PRR11: variants seen among roughly 807,000 people sequenced by gnomAD.
PRR11 encodes proline-rich protein 11.
In PRR11, 30 loss-of-function variants were observed where a neutral mutation model predicts 45.6. That is an observed-to-expected ratio of 0.66 (90% CI 0.49 to 0.89). The LOEUF (loss-of-function observed/expected upper bound fraction) is 0.89, where lower values mean the gene tolerates loss of function less well. Ranked by LOEUF, PRR11 falls within the 40% of genes least tolerant of loss-of-function variation. The probability of loss-of-function intolerance (pLI) is 0.00; values close to 1 mark genes in which losing one functional copy is unlikely to be tolerated. For missense variants in PRR11, 373 were observed against 424.8 expected, an observed-to-expected ratio of 0.88 and a Z score of 1.07; for synonymous variants, 128 against 153.5, an observed-to-expected ratio of 0.83 and a Z score of 1.23.
At chr17:59,180,303 G>A (rs2046774857) in intron 2 of PRR11, among the ~76,000 whole-genome samples, 1 of 150,194 alleles carries the variant, frequency 6.7e-6, no homozygotes, top group Non-Finnish European at 1.5e-5. Flanking sequence ...GCTCATTTTT[G>A]TTCTTTTAGT....
chr17:59,161,450 A>G (rs539171416), intron 1 of PRR11, among the ~76,000 whole-genome samples: 60 of 150,990 alleles, frequency 4.0e-4, no homozygotes, highest in Admixed American at 3.2e-3. Flanking sequence ...AAAAAAAAAC[A>G]CACACACAAA....
chr17:59,158,401 A>G (rs959147208), intron 1 of PRR11, among the ~76,000 whole-genome samples: 1 of 152,264 alleles, frequency 6.6e-6, no homozygotes, highest in South Asian at 2.1e-4. Context: ...AGATCATTTC[A>G]TAACAAGGTT....
intron 9 of PRR11, among the ~76,000 whole-genome samples, chr17:59,199,931 G>A (rs1039528685): frequency 1.3e-5 from 2 of 152,152 alleles, no homozygotes; most frequent in Admixed American, 6.6e-5. Context: ...AATTGTGAAG[G>A]GCAGGAGCAA....
chr17:59,169,610 T>C, intron 1 of PRR11, 138 bp from the exon 2 acceptor site: 1 of 719,624 alleles, frequency 1.4e-6, no homozygotes, highest in East Asian at 2.8e-5. Flanking sequence ...ATGCTGGTAG[T>C]GACCTATTTC....
chr17:59,190,438 C>T (rs1202291337), intron 4 of PRR11, among the ~76,000 whole-genome samples: 2 of 151,716 alleles, frequency 1.3e-5, no homozygotes, highest in Non-Finnish European at 2.9e-5. Context: ...CGCCACTGCA[C>T]TCCAGCCCTC....
At position 59,193,154 on chromosome 17, in the gene PRR11, G is replaced by A. The variant is rs111678587; in HGVS notation, c.403-338G>A. 2.0e-4 allele frequency among the ~76,000 whole-genome samples: 30 copies of A among 152,170 alleles called. 1 individual carries two copies. The highest frequency in any genetic ancestry group is 5.2e-4 in the Admixed American group (8 of 15,274). On this transcript the variant is annotated intron_variant, in intron 4 of 9. Coordinates refer to ENST00000262293, the MANE Select transcript of PRR11 (RefSeq NM_018304.4). ...TCGAACTCCTGGGCTCAAGCAATTCGCTGGATTCAGCCTTCCAAAGTGCTG... is the reference window on the plus strand; with the variant it reads ...TCGAACTCCTGGGCTCAAGCAATTCACTGGATTCAGCCTTCCAAAGTGCTG...
chr17:59,169,412 A>G lies in PRR11; in HGVS notation c.-5-336A>G, dbSNP rs185459725. 5.3e-5 allele frequency among the ~76,000 whole-genome samples: 8 copies of G among 152,218 alleles called. No individual in the cohort carries two copies. In the East Asian group the frequency reaches 1.5e-3, roughly 29 times the overall value. On this transcript the variant is annotated intron_variant, in intron 1 of 9. Coordinates refer to ENST00000262293, the MANE Select transcript of PRR11 (RefSeq NM_018304.4). The stretch of plus-strand genomic sequence containing the variant: ...CACACCTGGCCAACATATTATTTTA[A>G]TAACTGACTATAACCCACCTACAGC...
At chr17:59,160,089 A>T (rs989089332) in intron 1 of PRR11, among the ~76,000 whole-genome samples, 1 of 152,178 alleles carries the variant, frequency 6.6e-6, no homozygotes, top group African/African-American at 2.4e-5. Flanking sequence ...GCAGCAAAAA[A>T]AAAAGAATCA....
At chr17:59,158,373 G>A (rs1000309334) in intron 1 of PRR11, among the ~76,000 whole-genome samples, 13 of 152,204 alleles carry the variant, frequency 8.5e-5, no homozygotes, top group African/African-American at 1.9e-4. Flanking sequence ...GGGGCAATCC[G>A]AATATGGGCT....
At chr17:59,177,838 AG>A (rs961437504) in intron 2 of PRR11, among the ~76,000 whole-genome samples, 1 of 152,172 alleles carries the variant, frequency 6.6e-6, no homozygotes, top group Non-Finnish European at 1.5e-5. Flanking sequence ...CAACATAGCA[AG>A]ACTGTTTGTA....
chr17:59,181,339 A>G (rs2046784681), intron 2 of PRR11, among the ~76,000 whole-genome samples: 1 of 151,632 alleles, frequency 6.6e-6, no homozygotes, highest in Non-Finnish European at 1.5e-5. Flanking sequence ...CTCCAGCCTA[A>G]TCCTCTATCA....
chr17:59,178,413 G>A, intron 2 of PRR11: 1 of 476,104 alleles, frequency 2.1e-6, no homozygotes, highest in East Asian at 5.5e-5. Flanking sequence ...TTTAGAAGCT[G>A]CACCCTCCCC....
chr17:59,161,778 C>A (rs1198659140), intron 1 of PRR11, among the ~76,000 whole-genome samples: 1 of 152,096 alleles, frequency 6.6e-6, no homozygotes, highest in Non-Finnish European at 1.5e-5. Flanking sequence ...TTTAAGGAAT[C>A]ACAAAAGAAT....
chr17:59,178,424 C>T (rs1219640854), intron 2 of PRR11: 1 of 486,384 alleles, frequency 2.1e-6, no homozygotes, highest in African/African-American at 1.9e-5. Flanking sequence ...CACCCTCCCC[C>T]TGGCAGTGCA....
At position 59,206,050 on chromosome 17, in the gene PRR11, CA is replaced by C. The variant is rs895661622; in HGVS notation, c.*4429del. Among the ~76,000 whole-genome samples the C allele has an allele frequency of 2.1e-4, 29 of 141,058 alleles. No homozygotes were observed. The highest frequency in any genetic ancestry group is 2.1e-4 in the African/African-American group (8 of 38,234). 92.5% of individuals were successfully genotyped at this position (141,058 alleles called of 152,430 possible). ...TGGGCAACAGAGTGAGACCTTGTCT[CA>C]AAAAAAAAAGAAAGAAAAAGAAAAA... On this transcript the variant is annotated 3_prime_UTR_variant, in exon 10 of 10. Transcript: ENST00000262293.
chr17:59,185,900 A>C (rs371813183), intron 4 of PRR11, among the ~76,000 whole-genome samples: 1 of 152,154 alleles, frequency 6.6e-6, no homozygotes, highest in East Asian at 1.9e-4. Context: ...AAGTTTGGTC[A>C]AGTTAGTAGA....
chr17:59,186,056 G>C (rs1029312790), intron 4 of PRR11, among the ~76,000 whole-genome samples: 4 of 152,162 alleles, frequency 2.6e-5, no homozygotes, highest in African/African-American at 9.7e-5. Flanking sequence ...TGTGGAAAAA[G>C]TTGGTTCCAC....
At chr17:59,180,721 G>A (rs1163017776) in intron 2 of PRR11, among the ~76,000 whole-genome samples, 1 of 151,022 alleles carries the variant, frequency 6.6e-6, no homozygotes, top group African/African-American at 2.5e-5. Context: ...GGTCAGGCTG[G>A]TCTCGAACAA....
intron 1 of PRR11, among the ~76,000 whole-genome samples, chr17:59,161,055 A>G (rs1051369123): frequency 1.3e-5 from 2 of 152,020 alleles, no homozygotes; most frequent in Non-Finnish European, 2.9e-5. Context: ...CTATATGTTT[A>G]TGTTTCTAAT....
Sources: gnomAD v4.1 joint callset for allele counts (sites outside exome capture counted in the v4.1 genomes callset) on GRCh38, gnomAD v4.1.1 for gene constraint, MANE v1.5 for transcripts, NCBI Gene and HGNC (gene_info 2026-07-23, HGNC 2026-07-21) for gene names.